The following PDE1C variants were observed in gnomAD, a reference collection of about 807,000 sequenced individuals.
PDE1C encodes dual specificity calcium/calmodulin-dependent 3',5'-cyclic nucleotide phosphodiesterase 1C.
A neutral mutation model predicts 93.1 loss-of-function variants in PDE1C; 62 were observed. The ratio of observed to expected loss-of-function variants is 0.67; its 90% CI spans 0.54 to 0.82. The LOEUF (loss-of-function observed/expected upper bound fraction) is 0.82. PDE1C is among the 40% of genes least tolerant of loss of function. PDE1C has a pLI of 0.00. For synonymous variants in PDE1C, 325 were observed against 310.1 expected (o/e 1.05, Z -0.50); for missense variants, 742 against 884.6 (o/e 0.84, Z 2.04).
At chr7:31,857,680 C>G (rs1794193822) in intron 7 of PDE1C, among the ~76,000 whole-genome samples, 1 of 152,140 alleles carries the variant, frequency 6.6e-6, no homozygotes, top group South Asian at 2.1e-4. Context: ...CCATCTAACC[C>G]ACCTGGACAT....
the PDE1C span, among the ~76,000 whole-genome samples, chr7:31,627,514 C>G: frequency 6.6e-6 from 1 of 151,954 alleles, no homozygotes; most frequent in Non-Finnish European, 1.5e-5. Flanking sequence ...AAAAATTAGT[C>G]CAATGGGATG....
chr7:32,188,356 A>G (rs1804017146), intron 2 of PDE1C, among the ~76,000 whole-genome samples: 1 of 152,050 alleles, frequency 6.6e-6, no homozygotes, highest in Admixed American at 6.6e-5. Context: ...CTTTTCTCTC[A>G]GCATACATAC....
chr7:31,681,345 TTGGATGGA>T, the PDE1C span, among the ~76,000 whole-genome samples: 21 of 144,400 alleles, frequency 1.5e-4, no homozygotes, highest in Admixed American at 1.2e-3. Flanking sequence ...CACAGTTCAG[TTGGATGGA>T]TGGATGGATG....
intron 1 of PDE1C, among the ~76,000 whole-genome samples, chr7:32,333,337 G>A (rs1353204296): frequency 2.0e-5 from 3 of 152,082 alleles, no homozygotes; most frequent in Non-Finnish European, 4.4e-5. Context: ...GCATCGTCAC[G>A]TCCCTTTCAA....
At chr7:31,880,137 G>A (rs1797059211) in intron 3 of PDE1C, among the ~76,000 whole-genome samples, 1 of 151,404 alleles carries the variant, frequency 6.6e-6, no homozygotes, top group Non-Finnish European at 1.5e-5. Flanking sequence ...GTCTAAATTA[G>A]GGGGAAAAAA....
chr7:32,224,035 G>C lies in PDE1C; in HGVS notation c.86-14496C>G, dbSNP rs142985853. Among the ~76,000 whole-genome samples the C allele has an allele frequency of 1.2e-3, 179 of 152,252 alleles. 3 individuals carry two copies. In the East Asian group the frequency reaches 0.03, roughly 25 times the overall value. On this transcript the variant is annotated intron_variant, in intron 1 of 18. Coordinates refer to the PDE1C transcript ENST00000396193. Reference sequence around the variant, plus strand: ...CAGATGAACTAGTCCCTCTCTGCAGGCTCCTATCCCTTGGCACCAGTTCTC... The same window carrying C: ...CAGATGAACTAGTCCCTCTCTGCAGCCTCCTATCCCTTGGCACCAGTTCTC...
intron 1 of PDE1C, among the ~76,000 whole-genome samples, chr7:32,065,366 T>C (rs1363359730): frequency 1.3e-5 from 2 of 152,210 alleles, no homozygotes; most frequent in East Asian, 3.9e-4. Flanking sequence ...CTGACATCAA[T>C]GAAAAGAGTC....
At chr7:31,781,708 C>T (rs1783425849) in intron 16 of PDE1C, among the ~76,000 whole-genome samples, 1 of 125,224 alleles carries the variant, frequency 8.0e-6, no homozygotes, top group South Asian at 3.0e-4. Flanking sequence ...ACCCCCCACA[C>T]ACTGCCCTAA....
chr7:32,385,377 G>A (rs1784603366), intron 1 of PDE1C, among the ~76,000 whole-genome samples: 1 of 152,188 alleles, frequency 6.6e-6, no homozygotes. Flanking sequence ...AGAGGCTAAA[G>A]CTGCAATTTT....
chr7:32,407,316 A>T (rs192665046), intron 1 of PDE1C, among the ~76,000 whole-genome samples: 42 of 152,226 alleles, frequency 2.8e-4, no homozygotes, highest in African/African-American at 9.4e-4. Context: ...AAAAGTTGTC[A>T]ATTGTGTTAT....
intron 2 of PDE1C, among the ~76,000 whole-genome samples, chr7:31,940,212 C>G (rs1162809674): frequency 6.6e-6 from 1 of 152,158 alleles, no homozygotes; most frequent in Non-Finnish European, 1.5e-5. Context: ...CCAGGCTTTT[C>G]CTATTGTGCC....
intron 2 of PDE1C, among the ~76,000 whole-genome samples, chr7:31,928,194 T>C (rs916402005): frequency 2.0e-5 from 3 of 151,664 alleles, no homozygotes; most frequent in African/African-American, 4.8e-5. Context: ...ATATCAGAGA[T>C]TGAATATCAA....
At chr7:32,337,793 G>GA (rs1369446131) in intron 1 of PDE1C, among the ~76,000 whole-genome samples, 18 of 151,444 alleles carry the variant, frequency 1.2e-4, no homozygotes, top group East Asian at 3.9e-4. Context: ...AAAAAGATGG[G>GA]AAAAAAAACA....
chr7:32,423,782 A>T (rs1785479699), intron 1 of PDE1C, among the ~76,000 whole-genome samples: 1 of 152,230 alleles, frequency 6.6e-6, no homozygotes, highest in South Asian at 2.1e-4. Flanking sequence ...TGTTGGCTAC[A>T]CTTTGAAATC....
intron 1 of PDE1C, among the ~76,000 whole-genome samples, chr7:32,224,996 G>T (rs1158258380): frequency 6.7e-6 from 1 of 150,126 alleles, no homozygotes; most frequent in African/African-American, 2.5e-5. Context: ...CATCTGATTG[G>T]ACCTTCAGGA....
chr7:32,361,095 C>A (rs1381848812), intron 1 of PDE1C, among the ~76,000 whole-genome samples: 1 of 152,192 alleles, frequency 6.6e-6, no homozygotes, highest in South Asian at 2.1e-4. Flanking sequence ...GTGTGAGACA[C>A]CATGCAGGGC....
chr7:32,416,369 C>A (rs953687539), intron 1 of PDE1C, among the ~76,000 whole-genome samples: 2 of 152,096 alleles, frequency 1.3e-5, no homozygotes, highest in African/African-American at 4.8e-5. Context: ...GGATGTGGAG[C>A]CATCCCCCCT....
intron 16 of PDE1C, among the ~76,000 whole-genome samples, chr7:31,794,551 T>G (rs1785054813): frequency 6.6e-6 from 1 of 152,024 alleles, no homozygotes; most frequent in South Asian, 2.1e-4. Flanking sequence ...GGTGTCTTAC[T>G]GCTATCATGC....
At chr7:32,101,960 AAGAG>A (rs1798062685) in intron 3 of PDE1C, among the ~76,000 whole-genome samples, 1 of 152,064 alleles carries the variant, frequency 6.6e-6, no homozygotes, top group African/African-American at 2.4e-5. Flanking sequence ...GGGTGAGAGA[AAGAG>A]AGAGATACCA....
Sources: allele counts gnomAD v4.1 joint callset (sites outside exome capture counted in the v4.1 genomes callset), GRCh38; gene constraint gnomAD v4.1.1; transcripts MANE v1.5; gene names NCBI Gene and HGNC (gene_info 2026-07-23, HGNC 2026-07-21).